Variants in GUCY1A2 observed in about 807,000 individuals in gnomAD.
The protein encoded by GUCY1A2 is guanylate cyclase soluble subunit alpha-2.
A neutral mutation model predicts 63.5 loss-of-function variants in GUCY1A2; 27 were observed. That is an observed-to-expected ratio of 0.43 (90% CI 0.31 to 0.59). The LOEUF is 0.59. GUCY1A2 is among the 20% of genes least tolerant of loss of function. The pLI is 0.11. For missense variants in GUCY1A2, 768 were observed against 913.3 expected (o/e 0.84, Z 2.05); for synonymous variants, 364 against 343.5 (o/e 1.06, Z -0.66).
chr11:106,867,280 A>G (rs1040176485), intron 4 of GUCY1A2, among the ~76,000 whole-genome samples: 1 of 152,090 alleles, frequency 6.6e-6, no homozygotes, highest in Non-Finnish European at 1.5e-5. Flanking sequence ...AGACATAAAG[A>G]TATTTATCAG....
intron 3 of GUCY1A2, among the ~76,000 whole-genome samples, chr11:106,944,952 C>T (rs1279399975): frequency 1.3e-5 from 2 of 151,802 alleles, no homozygotes; most frequent in East Asian, 3.9e-4. Context: ...AGAGGAACAA[C>T]CTCTAAAAAC....
intron 1 of GUCY1A2, among the ~76,000 whole-genome samples, chr11:106,990,812 C>T (rs1817943600): frequency 6.6e-6 from 1 of 152,180 alleles, no homozygotes; most frequent in African/African-American, 2.4e-5. Context: ...TTACCTTTCA[C>T]ATTCTGAAAG....
chr11:107,014,784 A>G (rs753251567), intron 1 of GUCY1A2, among the ~76,000 whole-genome samples: 1 of 152,212 alleles, frequency 6.6e-6, no homozygotes, highest in Non-Finnish European at 1.5e-5. Context: ...AGGAGCTTCC[A>G]TGGCAAGTAC....
chr11:106,822,351 T>C (rs1858914374), intron 4 of GUCY1A2, among the ~76,000 whole-genome samples: 1 of 152,164 alleles, frequency 6.6e-6, no homozygotes, highest in Non-Finnish European at 1.5e-5. Flanking sequence ...TTATTGTTTA[T>C]TTATTTTTCT....
chr11:106,712,081 T>G (rs984333914), intron 6 of GUCY1A2, among the ~76,000 whole-genome samples: 1 of 152,066 alleles, frequency 6.6e-6, no homozygotes, highest in East Asian at 1.9e-4. Flanking sequence ...TTTATCAAAT[T>G]TGGTAATTTT....
In GUCY1A2 at chr11:106,725,273, C is replaced by T. The variant is rs1390098859; in HGVS notation, c.1837-16607G>A. Among the ~76,000 whole-genome samples the T allele has an allele frequency of 7.8e-5, 7 of 89,830 alleles. 3 individuals are homozygous for T. The highest frequency in any genetic ancestry group is 1.4e-4 in the Non-Finnish European group (6 of 43,684). The allele number at this position is 89,830 out of a possible 152,430, so 58.9% of individuals were successfully genotyped here. A position where few individuals can be genotyped will look rare whatever the true frequency, so the allele number is the denominator to read the frequency against. On this transcript the variant is annotated intron_variant, in intron 6 of 7. Transcript: ENST00000526355. ...CTGGAGGCTCCGCCTCCCGGGTTCA[C>T]GCCATTCTCCTGCCTCAGCCTCCCA...
chr11:106,936,188 T>G (rs961222175), intron 4 of GUCY1A2, among the ~76,000 whole-genome samples: 2 of 152,172 alleles, frequency 1.3e-5, no homozygotes, highest in Non-Finnish European at 2.9e-5. Flanking sequence ...TCTATATCAG[T>G]AGGTTATGTT....
intron 4 of GUCY1A2, among the ~76,000 whole-genome samples, chr11:106,929,557 T>C (rs1172498778): frequency 2.0e-5 from 3 of 152,198 alleles, no homozygotes; most frequent in South Asian, 4.1e-4. Flanking sequence ...ATAATATGGA[T>C]ACTCTCCCTA....
chr11:106,909,612 T>C (rs1860264726), intron 4 of GUCY1A2, among the ~76,000 whole-genome samples: 1 of 151,926 alleles, frequency 6.6e-6, no homozygotes. Flanking sequence ...ATACAGTATC[T>C]AATCTTTCAG....
chr11:106,943,261 C>T (rs992038981), intron 3 of GUCY1A2, among the ~76,000 whole-genome samples: 1 of 152,162 alleles, frequency 6.6e-6, no homozygotes, highest in African/African-American at 2.4e-5. Flanking sequence ...CTACGATTGA[C>T]GCAAACCCCC....
At chr11:106,709,069 A>C (rs932790233) in intron 6 of GUCY1A2, among the ~76,000 whole-genome samples, 7 of 143,252 alleles carry the variant, frequency 4.9e-5, no homozygotes, top group Non-Finnish European at 3.0e-5. Context: ...ACATAATTAT[A>C]AATTAAATAT....
chr11:106,824,983 T>A, intron 4 of GUCY1A2: 1 of 1,611,674 alleles, frequency 6.2e-7, no homozygotes, highest in Non-Finnish European at 8.5e-7. Context: ...ATTTTCTAAT[T>A]AAAGATGGTT....
At chr11:106,709,617 AC>A (rs1255191514) in intron 6 of GUCY1A2, among the ~76,000 whole-genome samples, 4 of 88,208 alleles carry the variant, frequency 4.5e-5, no homozygotes, top group Admixed American at 1.6e-4. Context: ...TATATTATAT[AC>A]GTGTATATAT....
At chr11:106,787,830 G>A (rs1413652080) in intron 5 of GUCY1A2, among the ~76,000 whole-genome samples, 2 of 151,854 alleles carry the variant, frequency 1.3e-5, no homozygotes, top group Non-Finnish European at 2.9e-5. Context: ...ATTGTGAAGG[G>A]TACTACAATA....
chr11:106,812,452 G>A (rs1471584817), intron 4 of GUCY1A2, among the ~76,000 whole-genome samples: 3 of 150,472 alleles, frequency 2.0e-5, no homozygotes, highest in African/African-American at 4.9e-5. Flanking sequence ...CTTCTTCATC[G>A]CTTGGACTCT....
At chr11:106,798,421 A>G (rs1328445983) in intron 5 of GUCY1A2, among the ~76,000 whole-genome samples, 1 of 152,228 alleles carries the variant, frequency 6.6e-6, no homozygotes, top group East Asian at 1.9e-4. Context: ...TTATGAGGCC[A>G]GCATCATCCT....
At chr11:106,734,012 T>C (rs1236049330) in intron 6 of GUCY1A2, among the ~76,000 whole-genome samples, 1 of 152,092 alleles carries the variant, frequency 6.6e-6, no homozygotes, top group African/African-American at 2.4e-5. Flanking sequence ...TGGATGTGAA[T>C]AGGTAACAAT....
intron 4 of GUCY1A2, among the ~76,000 whole-genome samples, chr11:106,834,922 C>T (rs564454627): frequency 6.6e-6 from 1 of 151,986 alleles, no homozygotes; most frequent in African/African-American, 2.4e-5. Context: ...TGTAATGTCT[C>T]CAAAATCCCT....
intron 4 of GUCY1A2, among the ~76,000 whole-genome samples, chr11:106,877,869 A>G (rs1859771471): frequency 6.6e-6 from 1 of 152,104 alleles, no homozygotes. Flanking sequence ...ATTTTTGCAA[A>G]GTACGAATCT....
Sources: allele counts gnomAD v4.1 joint callset (sites outside exome capture counted in the v4.1 genomes callset), GRCh38; gene constraint gnomAD v4.1.1; transcripts MANE v1.5; gene names NCBI Gene and HGNC (gene_info 2026-07-23, HGNC 2026-07-21).